NOTUM: variants seen among roughly 807,000 people sequenced by gnomAD.
NOTUM encodes the protein notum, palmitoleoyl-protein carboxylesterase.
Under a neutral mutation model 65.5 loss-of-function variants are expected in NOTUM, and 36 were observed. That is an observed-to-expected ratio of 0.55 (90% CI 0.42 to 0.73). The LOEUF (loss-of-function observed/expected upper bound fraction) is 0.73. Ranked by LOEUF, NOTUM falls within the 30% of genes least tolerant of loss-of-function variation. The probability of loss-of-function intolerance (pLI) is 0.00; values close to 1 mark genes in which losing one functional copy is unlikely to be tolerated. For missense variants in NOTUM, 659 were observed against 694.2 expected (o/e 0.95, Z 0.57); for synonymous variants, 356 against 297.9 (o/e 1.20, Z -2.01).
intron 3 of NOTUM, 60 bp downstream of exon 3, chr17:81,959,411 C>T: frequency 1.5e-6 from 2 of 1,305,116 alleles, no homozygotes; most frequent in Non-Finnish European, 1.1e-6. Context: ...CTCCAGGAGG[C>T]GGGCGCGGCT....
At position 81,956,987 on chromosome 17, in the gene NOTUM, G is replaced by A. The variant is rs1026002898; in HGVS notation, c.783C>T (p.Gly261=). The A allele has an allele frequency of 4.3e-6, 7 of 1,613,056 alleles. No individual in the cohort carries two copies. Among genetic ancestry groups the A allele is most frequent in the Non-Finnish European group, 5.1e-6 (6 of 1,179,910 alleles). The change falls in exon 7 of 11, where the codon GGC becomes GGT. Residue 261 remains glycine, a synonymous_variant. Transcript: ENST00000409678. ...CCAGGAACCAGCCGGAGTCAGCCAG[G>A]CCTCGCACCTGGATGGCTGGGTAGC... The part of the protein sequence containing the change: ...KLGYPAIQVR[G]LADSGWFLDN...
chr17:81,954,959 C>CTCTCTTTCTCT (rs1555625498), intron 9 of NOTUM, among the ~76,000 whole-genome samples: 2 of 46,510 alleles, frequency 4.3e-5, no homozygotes, highest in Non-Finnish European at 1.3e-4. Flanking sequence ...CTCTCTCTCT[C>CTCTCTTTCTCT]CTCTCTCTCT....
In NOTUM at chr17:81,952,810, G is replaced by A; in HGVS notation, c.*151C>T. 1.5e-6 allele frequency: 1 copy of A among 676,626 alleles called. No individual in the cohort carries two copies. The highest frequency in any genetic ancestry group is 2.6e-6 in the Non-Finnish European group (1 of 391,718). 41.9% of individuals were successfully genotyped at this position (676,626 alleles called of 1,614,324 possible). The stretch of plus-strand genomic sequence containing the variant: ...TGTGGGAGAGGGGCAGGGAAAGCCG[G>A]GGCAGGAGGGCAGTGGGCAGACCCA... On this transcript the variant is annotated 3_prime_UTR_variant, in exon 11 of 11. Coordinates refer to ENST00000409678, the MANE Select transcript of NOTUM (RefSeq NM_178493.6).
At chr17:81,954,955 C>T (rs1158885374) in intron 9 of NOTUM, among the ~76,000 whole-genome samples, 1 of 44,670 alleles carries the variant, frequency 2.2e-5, no homozygotes, top group Admixed American at 2.0e-4. Flanking sequence ...CTCTCTCTCT[C>T]TCTCCTCTCT....
Position 81,960,588 on chromosome 17 carries a change from C to T in NOTUM, c.322G>A (p.Gly108Ser). 2.7e-6 allele frequency: 4 copies of T among 1,498,720 alleles called. No homozygotes were observed. Among genetic ancestry groups the T allele is most frequent in the Non-Finnish European group, 3.6e-6 (4 of 1,111,802 alleles). The allele number at this position is 1,498,720 out of a possible 1,614,324, so 92.8% of individuals were successfully genotyped here. The stretch of plus-strand genomic sequence containing the variant: ...GGAGGTGCAGGGCGCGGGCCTTACC[C>T]GGCGGGGCTGCCGTCGTTGCAGGTC... Reference protein sequence around the residue: ...SVTCNDGSPAGYYLKESRGSR... With the variant: ...SVTCNDGSPASYYLKESRGSR... Residue 108 changes from glycine (G) to serine (S), a missense_variant and splice_region_variant, in exon 1 of 11, where the codon GGC (glycine) becomes AGC (serine). Physicochemically the swap from Gly to Ser is moderately conservative, Grantham distance 56. Transcript: ENST00000409678. The surrounding 1 kb of genome is among the most constrained non-coding windows in gnomAD (Gnocchi z 6.4).
At chr17:81,954,340 C>G (rs752030316) in intron 9 of NOTUM, 37 bp from the exon 10 acceptor site, 2 of 1,531,664 alleles carry the variant, frequency 1.3e-6, no homozygotes, top group East Asian at 4.5e-5. Context: ...GAGCTCCTTA[C>G]CCCCTCAGCC....
Position 81,956,912 on chromosome 17 carries a change from C to T in NOTUM, c.858G>A (p.Ala286=), listed in dbSNP as rs199890100. 81 of 1,612,038 alleles carry T rather than the reference C, an allele frequency of 5.0e-5. No homozygotes were observed. The highest frequency in any genetic ancestry group is 6.1e-5 in the Non-Finnish European group (72 of 1,179,818). The change falls in exon 7 of 11, where the codon GCG becomes GCA. Residue 286 remains alanine (A), a synonymous_variant. Transcript: ENST00000409678. ...HTDCVDTITC[A]PTEAIRRGIR... is the part of the protein sequence containing the mutation. ...TGCCACGGCGGATGGCCTCCGTGGG[C>T]GCGCACGTGATCGTGTCGACGCAGT...
chr17:81,953,813 CTT>C (rs1270185974), intron 10 of NOTUM, among the ~76,000 whole-genome samples: 1 of 146,234 alleles, frequency 6.8e-6, no homozygotes, highest in Non-Finnish European at 1.5e-5. Context: ...GAGTTTCACT[CTT>C]GTTGCCCCCA....
chr17:81,956,461 G>GGTACACAGCCGGCCTCCTCCCTA (rs1170796316), intron 8 of NOTUM, among the ~76,000 whole-genome samples, 189 bp downstream of exon 8: 13 of 149,924 alleles, frequency 8.7e-5, no homozygotes, highest in African/African-American at 3.2e-4. Context: ...CCTCCTCCCT[G>GGTACACAGCCGGCCTCCTCCCTA]GTACACAGCC....
chr17:81,957,162 G>C (rs915735201), intron 6 of NOTUM, 88 bp from the exon 7 acceptor site: 24 of 1,100,100 alleles, frequency 2.2e-5, no homozygotes, highest in East Asian at 1.5e-4. Flanking sequence ...CGTGCCCCGA[G>C]GGGGGCAGGA....
chr17:81,953,688 C>T (rs1031817253), intron 10 of NOTUM, among the ~76,000 whole-genome samples: 2 of 152,016 alleles, frequency 1.3e-5, no homozygotes, highest in African/African-American at 4.8e-5. Flanking sequence ...ACTGCAGCCT[C>T]AACCTCCTGA....
intron 8 of NOTUM, 63 bp from the exon 9 acceptor site, chr17:81,955,607 C>T (rs2041426990): frequency 2.7e-6 from 4 of 1,497,334 alleles, no homozygotes; most frequent in African/African-American, 2.8e-5. Context: ...ACCCCAGGCT[C>T]ACAGCTCAGC....
At chr17:81,957,585 G>A (rs1436656861) in intron 6 of NOTUM, among the ~76,000 whole-genome samples, 1 of 152,046 alleles carries the variant, frequency 6.6e-6, no homozygotes, top group Non-Finnish European at 1.5e-5. Context: ...GCATCCTCTG[G>A]ACAGTGTCTG....
In NOTUM at chr17:81,953,265, T is replaced by C; in HGVS notation, c.1187A>G (p.His396Arg). The C allele has an allele frequency of 1.3e-6, 2 of 1,595,258 alleles. No individual in the cohort carries two copies. The highest frequency in any genetic ancestry group is 1.7e-6 in the Non-Finnish European group (2 of 1,171,966). ...CCCCTTCACCTGGACATCCGTCCAG[T>C]GGCTGCAGAGGAAAACCGGGGGAGG... Reference protein sequence around the residue: ...CLSHEIIIRSHWTDVQVKGTS... With the variant: ...CLSHEIIIRSRWTDVQVKGTS... Residue 396 changes from histidine (H) to arginine (R), a missense_variant and splice_region_variant, in exon 11 of 11, where the codon CAC (histidine) becomes CGC (arginine). Coordinates refer to ENST00000409678, the MANE Select transcript of NOTUM (RefSeq NM_178493.6).
At chr17:81,957,766 TCCTCACC>T (rs1386169029) in intron 6 of NOTUM, 33 bp downstream of exon 6, 4 of 1,406,372 alleles carry the variant, frequency 2.8e-6, no homozygotes, top group Middle Eastern at 2.3e-4. Flanking sequence ...CTGCACACCG[TCCTCACC>T]CCTCACCTCC....
At chr17:81,957,766 T>A in intron 6 of NOTUM, 40 bp downstream of exon 6, 1 of 1,406,492 alleles carries the variant, frequency 7.1e-7, no homozygotes, top group Non-Finnish European at 9.9e-7. Context: ...CTGCACACCG[T>A]CCTCACCCCT....
intron 1 of NOTUM, 106 bp from the exon 2 acceptor site, chr17:81,959,798 G>T: frequency 5.2e-6 from 3 of 574,392 alleles, no homozygotes; most frequent in Non-Finnish European, 7.5e-6. Flanking sequence ...CCGGCCGCGC[G>T]CGACGGTCGC....
chr17:81,953,697 G>A (rs2041405866), intron 10 of NOTUM, among the ~76,000 whole-genome samples: 1 of 151,822 alleles, frequency 6.6e-6, no homozygotes, highest in Non-Finnish European at 1.5e-5. Context: ...TCAACCTCCT[G>A]AGTTCAAGTG....
At chr17:81,953,629 G>A (rs891177276) in intron 10 of NOTUM, among the ~76,000 whole-genome samples, 8 of 151,376 alleles carry the variant, frequency 5.3e-5, no homozygotes, top group Non-Finnish European at 8.8e-5. Context: ...TTTGAGACAA[G>A]GTCTCCCTCT....
Sources: allele counts gnomAD v4.1 joint callset (sites outside exome capture counted in the v4.1 genomes callset), GRCh38; gene constraint gnomAD v4.1.1; non-coding constraint Gnocchi (gnomAD v3.1); transcripts MANE v1.5; gene names NCBI Gene and HGNC (gene_info 2026-07-23, HGNC 2026-07-21).